The following FARSB variants were observed in gnomAD, a reference collection of about 807,000 sequenced individuals.
FARSB encodes phenylalanine--tRNA ligase beta subunit.
In FARSB, 40 loss-of-function variants were observed where a neutral mutation model predicts 69.6. The observed-to-expected ratio is 0.57, with a 90% CI of 0.45 to 0.75. The LOEUF is 0.75. Ranked by LOEUF, FARSB falls within the 30% of genes least tolerant of loss-of-function variation. The probability of loss-of-function intolerance (pLI) is 0.00; values close to 1 mark genes in which losing one functional copy is unlikely to be tolerated. For missense variants in FARSB, 632 were observed against 722.9 expected, an observed-to-expected ratio of 0.87 and a Z score of 1.44; for synonymous variants, 235 against 247.2, an observed-to-expected ratio of 0.95 and a Z score of 0.46.
intron 16 of FARSB, among the ~76,000 whole-genome samples, chr2:222,573,289 A>G (rs974765805): frequency 2.6e-5 from 4 of 151,644 alleles, no homozygotes; most frequent in African/African-American, 9.8e-5. Context: ...CAGAGGTGAA[A>G]TATTAAGGTG....
At chr2:222,636,133 G>A (rs1303739683) in intron 5 of FARSB, among the ~76,000 whole-genome samples, 2 of 151,202 alleles carry the variant, frequency 1.3e-5, no homozygotes, top group Non-Finnish European at 2.9e-5. Context: ...TAGGCCGCAC[G>A]CGGTGGCTCA....
At chr2:222,640,308 T>C (rs749379722) in intron 4 of FARSB, among the ~76,000 whole-genome samples, 17 of 152,084 alleles carry the variant, frequency 1.1e-4, no homozygotes, top group Admixed American at 2.0e-4. Flanking sequence ...CTGGGCAACA[T>C]AGTGAAACCC....
At chr2:222,616,452 C>T (rs1453906493) in intron 14 of FARSB, among the ~76,000 whole-genome samples, 8 of 144,558 alleles carry the variant, frequency 5.5e-5, no homozygotes, top group African/African-American at 2.1e-4. Context: ...GAGGCTGAGG[C>T]AGGAGAATTG....
chr2:222,616,392 CA>C (rs757705787), intron 14 of FARSB, among the ~76,000 whole-genome samples: 87 of 152,020 alleles, frequency 5.7e-4, no homozygotes, highest in Non-Finnish European at 9.3e-4. Flanking sequence ...ACTAAAAATA[CA>C]AAAATTAGCT....
At chr2:222,595,412 T>C (rs933904196) in intron 16 of FARSB, among the ~76,000 whole-genome samples, 1 of 152,188 alleles carries the variant, frequency 6.6e-6, no homozygotes, top group African/African-American at 2.4e-5. Flanking sequence ...GGGAAAAAGG[T>C]CATGAACTCC....
intron 16 of FARSB, among the ~76,000 whole-genome samples, chr2:222,582,818 G>A (rs746973651): frequency 6.6e-5 from 10 of 151,744 alleles, no homozygotes; most frequent in Non-Finnish European, 1.3e-4. Flanking sequence ...CCAGCTACTC[G>A]GGAGGCTGAG....
chr2:222,631,673 C>A lies in FARSB; in HGVS notation c.717G>T (p.Gly239=). ...TATTTACTGTTATTCTGGAATGATC[C>A]CCTGCAATGAACACAAAACAATAAC... The part of the protein sequence containing the change: ...VVLSMPPIIN[G]DHSRITVNTR... Residue 239 remains glycine (G), a splice_region_variant and synonymous_variant, in exon 8 of 17, where the codon GGG becomes GGT. Coordinates refer to ENST00000281828, the MANE Select transcript of FARSB (RefSeq NM_005687.5). 1 of 1,529,560 alleles carries A rather than the reference C, an allele frequency of 6.5e-7. No individual in the cohort carries two copies. Among genetic ancestry groups the A allele is most frequent in the Non-Finnish European group, 9.1e-7 (1 of 1,104,078 alleles). The allele number at this position is 1,529,560 out of a possible 1,614,324, so 94.7% of individuals were successfully genotyped here.
In FARSB at chr2:222,619,662, T is replaced by C. The variant is rs780363840; in HGVS notation, c.1327A>G (p.Lys443Glu). The change falls in exon 14 of 17, where the codon AAA (lysine) becomes GAA (glutamate). Residue 443 changes from lysine (K) to glutamate (E), a missense_variant. Lys to Glu is a moderately conservative substitution (Grantham distance 56). Transcript: ENST00000281828. ...ATTCTTACCTGAAATTCAGCTGTTT[T>C]AGGATTACTTATGTGGACTGCCTTT... ...ATKAVHISNP[K>E]TAEFQVARTT... 6.3e-7 allele frequency: 1 copy of C among 1,589,504 alleles called. No homozygotes were observed. The highest frequency in any genetic ancestry group is 1.7e-5 in the Admixed American group (1 of 59,958).
rs1300148289 is a variant in FARSB at position 222,567,603 on chromosome 2, C to T, written c.*4268G>A. ...CTCCTGTTTAAAATGTGAGAACAGT[C>T]ATTCAACATGTTTTAAATTCAAAAC... On this transcript the variant is annotated 3_prime_UTR_variant, in exon 17 of 17. Transcript: ENST00000281828. 6.6e-6 allele frequency: 1 copy of T among 152,218 alleles called. No individual in the cohort carries two copies. Among genetic ancestry groups the T allele is most frequent in the African/African-American group, 2.4e-5 (1 of 41,454 alleles). The allele number at this position is 152,218 out of a possible 1,614,324, so 9.4% of individuals were successfully genotyped here. A position where few individuals can be genotyped will look rare whatever the true frequency, so the allele number is the denominator to read the frequency against.
At chr2:222,650,258 A>C (rs745697370) in intron 1 of FARSB, among the ~76,000 whole-genome samples, 18 of 152,222 alleles carry the variant, frequency 1.2e-4, no homozygotes, top group Non-Finnish European at 2.6e-4. Flanking sequence ...GAAAGGGGTC[A>C]ACTAACAATT....
At chr2:222,654,671 G>T (rs1036858101) in intron 1 of FARSB, among the ~76,000 whole-genome samples, 6 of 152,118 alleles carry the variant, frequency 3.9e-5, no homozygotes, top group Admixed American at 3.9e-4. Flanking sequence ...TTACTTTCAG[G>T]GACTTATGGC....
At chr2:222,640,984 A>C in intron 3 of FARSB, 53 bp from the exon 4 acceptor site, 1 of 904,992 alleles carries the variant, frequency 1.1e-6, no homozygotes, top group Non-Finnish European at 1.7e-6. Context: ...CATTATATAA[A>C]ATAATTACAT....
chr2:222,616,343 T>C (rs1252424784), intron 14 of FARSB, among the ~76,000 whole-genome samples: 2 of 151,964 alleles, frequency 1.3e-5, no homozygotes, highest in African/African-American at 2.4e-5. Context: ...GGTCAGGAGA[T>C]TGAGACCATC....
At chr2:222,587,375 T>C (rs1238480447) in intron 16 of FARSB, among the ~76,000 whole-genome samples, 2 of 152,170 alleles carry the variant, frequency 1.3e-5, no homozygotes, top group Non-Finnish European at 2.9e-5. Flanking sequence ...GAGGGAAATT[T>C]ATAGAACTGA....
chr2:222,581,593 A>C (rs553156592), intron 16 of FARSB, among the ~76,000 whole-genome samples: 2 of 152,338 alleles, frequency 1.3e-5, no homozygotes, highest in African/African-American at 4.8e-5. Context: ...TGGTTTTTCA[A>C]CAATTTTCTA....
chr2:222,624,471 G>A lies in FARSB; in HGVS notation c.971C>T (p.Pro324Leu), dbSNP rs764249253. Residue 324 changes from proline (P) to leucine (L), a missense_variant, in exon 12 of 17, where the codon CCA (proline) becomes CTA (leucine). Coordinates refer to ENST00000281828, the MANE Select transcript of FARSB (RefSeq NM_005687.5). ...INKKVGIRET[P>L]ENLAKLLTRM... ...GGTCAGAAGTTTGGCAAGATTTTCT[G>A]GAGTTTCTCTGAAAAAGGAATGAAC... 1 of 1,607,828 alleles carries A rather than the reference G, an allele frequency of 6.2e-7. No individual in the cohort carries two copies. The highest frequency in any genetic ancestry group is 8.5e-7 in the Non-Finnish European group (1 of 1,174,564).
intron 15 of FARSB, among the ~76,000 whole-genome samples, chr2:222,604,050 A>G (rs1366611359): frequency 6.6e-6 from 1 of 151,956 alleles, no homozygotes; most frequent in Non-Finnish European, 1.5e-5. Context: ...CTCCGTCTCT[A>G]CTAAAAATAC....
At chr2:222,615,170 T>C (rs1205101819) in intron 14 of FARSB, among the ~76,000 whole-genome samples, 1 of 152,202 alleles carries the variant, frequency 6.6e-6, no homozygotes, top group Non-Finnish European at 1.5e-5. Flanking sequence ...ATATATTAGC[T>C]TCCAACACAT....
chr2:222,645,756 C>T (rs1214375725), intron 2 of FARSB, among the ~76,000 whole-genome samples: 3 of 151,652 alleles, frequency 2.0e-5, no homozygotes, highest in East Asian at 3.9e-4. Flanking sequence ...TCATTGACCC[C>T]ATAATTTATT....
Sources: allele counts gnomAD v4.1 joint callset (sites outside exome capture counted in the v4.1 genomes callset), GRCh38; gene constraint gnomAD v4.1.1; transcripts MANE v1.5; gene names NCBI Gene and HGNC (gene_info 2026-07-23, HGNC 2026-07-21).